Variants in MAP1B observed in about 807,000 individuals in gnomAD.
MAP1B encodes microtubule associated protein 1B, also known as microtubule-associated protein 1B.
In MAP1B, 12 loss-of-function variants were observed where a neutral mutation model predicts 176.1. The observed-to-expected ratio is 0.07, with a 90% CI of 0.04 to 0.11. The LOEUF (loss-of-function observed/expected upper bound fraction) is 0.11. Ranked by LOEUF, MAP1B falls within the 10% of genes least tolerant of loss-of-function variation. MAP1B has a pLI of 1.00. For synonymous variants in MAP1B, 1,044 were observed against 1,135.0 expected (o/e 0.92, Z 1.61); for missense variants, 2,523 against 2,990.5 (o/e 0.84, Z 3.65).
Position 72,197,664 on chromosome 5 carries a change from G to A in MAP1B, c.4309G>A (p.Gly1437Ser). The change falls in exon 5 of 7, where the codon GGC (glycine) becomes AGC (serine). Residue 1437 changes from glycine (G) to serine (S), a missense_variant. Physicochemically the swap from Gly to Ser is moderately conservative, Grantham distance 56. Coordinates refer to ENST00000296755, the MANE Select transcript of MAP1B (RefSeq NM_005909.5). ...TTTTGAAGAAAAGAGTGGAAAACAAGGCTCTCCAGACCAAGTAAGTCCAGT... is the reference window on the plus strand; with the variant it reads ...TTTTGAAGAAAAGAGTGGAAAACAAAGCTCTCCAGACCAAGTAAGTCCAGT... The part of the protein sequence containing the change: ...SPFEEKSGKQ[G>S]SPDQVSPVSE... The A allele has an allele frequency of 6.2e-7, 1 of 1,614,154 alleles. No individual in the cohort carries two copies. The highest frequency in any genetic ancestry group is 8.5e-7 in the Non-Finnish European group (1 of 1,180,018).
intron 1 of MAP1B, among the ~76,000 whole-genome samples, chr5:72,114,596 T>C (rs770242667): frequency 1.3e-5 from 2 of 152,340 alleles, no homozygotes; most frequent in Non-Finnish European, 2.9e-5. Flanking sequence ...AGGAAAAATG[T>C]AATATATAAT....
chr5:72,114,498 T>G lies in MAP1B; in HGVS notation c.185-1200T>G, dbSNP rs180763765. 4.5e-4 allele frequency among the ~76,000 whole-genome samples: 68 copies of G among 152,386 alleles called. 2 individuals are homozygous for G. The East Asian group carries it at 0.012, about 28-fold the overall frequency. On this transcript the variant is annotated intron_variant, in intron 1 of 6. Coordinates refer to ENST00000296755, the MANE Select transcript of MAP1B (RefSeq NM_005909.5). ...GGTATGCAATAAATGTCTGTTGTTCTAGAGATTTGTTCCTGGCAATTGAGA... is the reference window on the plus strand; with the variant it reads ...GGTATGCAATAAATGTCTGTTGTTCGAGAGATTTGTTCCTGGCAATTGAGA...
Position 72,146,012 on chromosome 5 carries a change from G to A in MAP1B, c.286+30213G>A, listed in dbSNP as rs370979689. The stretch of plus-strand genomic sequence containing the variant: ...TAAAGAGATAGGTCAAAGAAGAGAC[G>A]CATTGGGAGTGATTTTGGAAAGCTA... On this transcript the variant is annotated intron_variant, in intron 2 of 6. Coordinates refer to ENST00000296755, the MANE Select transcript of MAP1B (RefSeq NM_005909.5). Among the ~76,000 whole-genome samples the A allele has an allele frequency of 6.6e-5, 10 of 152,308 alleles. No homozygotes were observed. The East Asian group carries it at 1.3e-3, about 21-fold the overall frequency.
At chr5:72,191,216 C>T (rs1747018528) in intron 4 of MAP1B, among the ~76,000 whole-genome samples, 1 of 152,210 alleles carries the variant, frequency 6.6e-6, no homozygotes, top group Non-Finnish European at 1.5e-5. Flanking sequence ...TACAAAGATA[C>T]AGAAGATATA....
intron 2 of MAP1B, among the ~76,000 whole-genome samples, chr5:72,161,622 T>A (rs1746324938): frequency 6.6e-6 from 1 of 152,024 alleles, no homozygotes; most frequent in Non-Finnish European, 1.5e-5. Context: ...AGCTCACACT[T>A]AGGTTCTGCT....
At chr5:72,171,216 C>T (rs1358961337) in intron 2 of MAP1B, among the ~76,000 whole-genome samples, 2 of 152,160 alleles carry the variant, frequency 1.3e-5, no homozygotes, top group African/African-American at 4.8e-5. Flanking sequence ...ATAAACATAG[C>T]AAAGGATAGT....
intron 2 of MAP1B, among the ~76,000 whole-genome samples, chr5:72,166,495 C>T (rs1256848019): frequency 6.6e-6 from 1 of 152,184 alleles, no homozygotes; most frequent in Non-Finnish European, 1.5e-5. Context: ...CTGATAACAG[C>T]AGTGTTCACT....
At chr5:72,171,431 C>G (rs1746539211) in intron 2 of MAP1B, among the ~76,000 whole-genome samples, 1 of 151,832 alleles carries the variant, frequency 6.6e-6, no homozygotes, top group South Asian at 2.1e-4. Context: ...CTACAAAAAA[C>G]AGAAGAAATT....
chr5:72,165,008 A>AC (rs1420400398), intron 2 of MAP1B, among the ~76,000 whole-genome samples: 1 of 152,050 alleles, frequency 6.6e-6, no homozygotes, highest in African/African-American at 2.4e-5. Flanking sequence ...CTTGTATGAT[A>AC]CAGTGCCCTA....
chr5:72,108,416 G>C (rs1745179230), intron 1 of MAP1B, among the ~76,000 whole-genome samples: 1 of 152,262 alleles, frequency 6.6e-6, no homozygotes, highest in South Asian at 2.1e-4. Context: ...GGGACCCCAA[G>C]TTGCGGGGTG....
At chr5:72,117,761 G>A (rs1423350969) in intron 2 of MAP1B, among the ~76,000 whole-genome samples, 1 of 152,206 alleles carries the variant, frequency 6.6e-6, no homozygotes, top group East Asian at 1.9e-4. Flanking sequence ...ATGCTAGAAA[G>A]GACTGATATT....
chr5:72,202,574 G>T (rs1365744106), intron 5 of MAP1B, among the ~76,000 whole-genome samples: 6 of 152,250 alleles, frequency 3.9e-5, no homozygotes, highest in Non-Finnish European at 8.8e-5. Flanking sequence ...TGGCTTTACA[G>T]CAATGAAACC....
chr5:72,160,464 T>C (rs1214090174), intron 2 of MAP1B, among the ~76,000 whole-genome samples: 4 of 152,164 alleles, frequency 2.6e-5, no homozygotes, highest in Non-Finnish European at 5.9e-5. Context: ...GATTACATTG[T>C]TTAGAAATGA....
intron 2 of MAP1B, among the ~76,000 whole-genome samples, chr5:72,129,399 T>C (rs1039601350): frequency 6.6e-6 from 1 of 151,874 alleles, no homozygotes; most frequent in Non-Finnish European, 1.5e-5. Flanking sequence ...CTACTAAAAA[T>C]AGAAAAAATT....
At position 72,198,346 on chromosome 5, in the gene MAP1B, G is replaced by A. The variant is rs757943845; in HGVS notation, c.4991G>A (p.Arg1664Gln). The A allele has an allele frequency of 4.3e-6, 7 of 1,614,022 alleles. No individual in the cohort carries two copies. The highest frequency in any genetic ancestry group is 1.3e-5 in the African/African-American group (1 of 74,892). The change falls in exon 5 of 7, where the codon CGA becomes CAA. Residue 1664 changes from arginine to glutamine, a missense_variant. Coordinates refer to ENST00000296755, the MANE Select transcript of MAP1B (RefSeq NM_005909.5). ...PEQSLAMDFSRQSPDHPTVGA... is the reference protein window; with the variant it reads ...PEQSLAMDFSQQSPDHPTVGA... Reference sequence around the variant, plus strand: ...CAATCCCTTGCTATGGACTTCAGTCGACAGTCTCCAGATCACCCTACAGTG... The same window carrying A: ...CAATCCCTTGCTATGGACTTCAGTCAACAGTCTCCAGATCACCCTACAGTG...
intron 2 of MAP1B, among the ~76,000 whole-genome samples, chr5:72,161,956 CAAAA>C (rs4043357): frequency 8.2e-4 from 70 of 84,994 alleles, no homozygotes; most frequent in African/African-American, 2.8e-3. Flanking sequence ...AATTCCGTCT[CAAAA>C]AAAAAAAAAA....
chr5:72,186,831 G>T lies in MAP1B; in HGVS notation c.510+77G>T. ...GTTCCTCTTTGAGAGCACTGGGGGA[G>T]ACAAAAGAAGAAGGGAGGGAACCTC... On this transcript the variant is annotated intron_variant, in intron 4 of 6. Coordinates refer to ENST00000296755, the MANE Select transcript of MAP1B (RefSeq NM_005909.5). The surrounding 1 kb of genome is among the most constrained non-coding windows in gnomAD (Gnocchi z 4.3). 1 of 1,534,630 alleles carries T rather than the reference G, an allele frequency of 6.5e-7. No individual in the cohort carries two copies. Among genetic ancestry groups the T allele is most frequent in the Non-Finnish European group, 8.9e-7 (1 of 1,120,550 alleles).
At position 72,198,254 on chromosome 5, in the gene MAP1B, A is replaced by G. The variant is rs781610499; in HGVS notation, c.4899A>G (p.Thr1633=). 5 of 1,614,098 alleles carry G rather than the reference A, an allele frequency of 3.1e-6. No individual in the cohort carries two copies. The Admixed American group carries it at 6.7e-5, about 22-fold the overall frequency. ...DFSPKTAKSR[T]PVQDHRSEQS... ...CCCCTAAAACTGCAAAGTCCAGGAC[A>G]CCCGTTCAAGATCACAGATCTGAAC... is the stretch of plus-strand genomic sequence containing the variant. The change falls in exon 5 of 7, where the codon ACA becomes ACG. Residue 1633 remains threonine, a synonymous_variant. Coordinates refer to ENST00000296755, the MANE Select transcript of MAP1B (RefSeq NM_005909.5).
intron 2 of MAP1B, among the ~76,000 whole-genome samples, chr5:72,124,055 A>T (rs949108823): frequency 6.6e-6 from 1 of 152,144 alleles, no homozygotes; most frequent in African/African-American, 2.4e-5. Context: ...TTGCATTTTG[A>T]TTGTTCAACC....
Sources: allele counts gnomAD v4.1 joint callset (sites outside exome capture counted in the v4.1 genomes callset), GRCh38; gene constraint gnomAD v4.1.1; non-coding constraint Gnocchi (gnomAD v3.1); transcripts MANE v1.5; gene names NCBI Gene and HGNC (gene_info 2026-07-23, HGNC 2026-07-21).